Variants in XPO1 observed in about 807,000 individuals in gnomAD.
XPO1 encodes the protein exportin-1.
XPO1 carries 5 observed loss-of-function variants against 133.3 expected under a neutral mutation model. The ratio of observed to expected loss-of-function variants is 0.04; its 90% CI spans 0.02 to 0.08. The LOEUF is 0.08. Among genes scored for constraint, XPO1 ranks in the 10% least tolerant of loss-of-function variants. The pLI is 1.00. For missense variants in XPO1, 506 were observed against 1,267.5 expected, an observed-to-expected ratio of 0.40 and a Z score of 9.12; for synonymous variants, 419 against 408.2, an observed-to-expected ratio of 1.03 and a Z score of -0.32.
intron 2 of XPO1, among the ~76,000 whole-genome samples, chr2:61,527,697 C>A (rs1206453230): frequency 6.6e-6 from 1 of 152,084 alleles, no homozygotes; most frequent in Non-Finnish European, 1.5e-5. Flanking sequence ...TTATTGTAAC[C>A]ATCCTTTCTC....
chr2:61,479,159 G>C (rs746574989), intron 24 of XPO1, among the ~76,000 whole-genome samples, 193 bp from the exon 25 acceptor site: 2 of 152,148 alleles, frequency 1.3e-5, no homozygotes, highest in Admixed American at 6.6e-5. Flanking sequence ...TAACTGGTGG[G>C]GGGGAAGATT....
chr2:61,522,721 T>C (rs1433621677), intron 3 of XPO1, 38 bp from the exon 4 acceptor site: 14 of 1,465,196 alleles, frequency 9.6e-6, no homozygotes, highest in Non-Finnish European at 1.2e-5. Context: ...AATATATTGC[T>C]TATAGGACTG....
chr2:61,488,397 T>C (rs1443519970), intron 18 of XPO1, 126 bp from the exon 19 acceptor site: 3 of 1,210,998 alleles, frequency 2.5e-6, no homozygotes, highest in African/African-American at 3.1e-5. Context: ...ACAAAATTTA[T>C]TGGGAAAATA....
chr2:61,494,068 T>C lies in XPO1; in HGVS notation c.1071A>G (p.Val357=), dbSNP rs751328556. The change falls in exon 12 of 25, where the codon GTA becomes GTG. Residue 357 remains valine, a synonymous_variant. Transcript: ENST00000401558. ...AGATTTCAGTTTCTTCTACTTCAGA[T>C]ACCAACAACATATAATGAAGGGCCT... ...LMEALHYMLL[V]SEVEETEIFK... 2 of 1,613,882 alleles carry C rather than the reference T, an allele frequency of 1.2e-6. No individual in the cohort carries two copies. Among genetic ancestry groups the C allele is most frequent in the South Asian group, 2.2e-5 (2 of 91,058 alleles).
chr2:61,526,498 C>G lies in XPO1; in HGVS notation c.150G>C (p.Leu50=). The G allele has an allele frequency of 6.3e-7, 1 of 1,595,114 alleles. No homozygotes were observed. The highest frequency in any genetic ancestry group is 8.5e-7 in the Non-Finnish European group (1 of 1,174,820). ...GAQQRMAQEV[L]THLKEHPDAW... ...CATCAGGATGCTCCTTTAAATGTGT[C>G]AGTACTTCTTGAGCCATTCTTTGCT... The change falls in exon 3 of 25, where the codon CTG becomes CTC. Residue 50 remains leucine, a synonymous_variant. Transcript: ENST00000401558.
intron 2 of XPO1, among the ~76,000 whole-genome samples, chr2:61,527,543 C>G (rs1256327074): frequency 2.6e-5 from 4 of 152,160 alleles, no homozygotes; most frequent in Non-Finnish European, 5.9e-5. Flanking sequence ...TGTAGCAGGA[C>G]ACTCTGCTTT....
At chr2:61,526,336 C>A in intron 3 of XPO1, 84 bp downstream of exon 3, 4 of 1,497,762 alleles carry the variant, frequency 2.7e-6, no homozygotes, top group Non-Finnish European at 3.5e-6. Flanking sequence ...ATAACAAATG[C>A]TAATACTAAA....
At chr2:61,526,748 C>G (rs1698920396) in intron 2 of XPO1, among the ~76,000 whole-genome samples, 1 of 150,748 alleles carries the variant, frequency 6.6e-6, no homozygotes, top group Non-Finnish European at 1.5e-5. Context: ...GGCTCTATCA[C>G]CCAGGCTGGA....
chr2:61,510,797 G>T (rs1260778587), intron 4 of XPO1, among the ~76,000 whole-genome samples: 1 of 151,988 alleles, frequency 6.6e-6, no homozygotes, highest in African/African-American at 2.4e-5. Context: ...AGTGAGCCAG[G>T]TATGATTCAT....
intron 2 of XPO1, 100 bp from the exon 3 acceptor site, chr2:61,526,621 CAGAG>C: frequency 1.2e-6 from 1 of 809,582 alleles, no homozygotes; most frequent in Non-Finnish European, 1.8e-6. Flanking sequence ...TCTAATTGGA[CAGAG>C]ATTCTATTAT....
intron 24 of XPO1, 117 bp from the exon 25 acceptor site, chr2:61,479,083 G>A: frequency 8.0e-7 from 1 of 1,251,386 alleles, no homozygotes; most frequent in Non-Finnish European, 1.1e-6. Flanking sequence ...TCCATAAAGT[G>A]GCTGGGTTTT....
chr2:61,510,879 G>A (rs978475783), intron 4 of XPO1, among the ~76,000 whole-genome samples: 6 of 147,468 alleles, frequency 4.1e-5, no homozygotes, highest in Admixed American at 6.9e-5. Flanking sequence ...TGAGGCTAGA[G>A]TTAAGCCATG....
chr2:61,478,535 GCCT>G lies in XPO1; in HGVS notation c.*282_*284del, dbSNP rs375130431. ...ACAAGTATATGTTCAAATCGAATTT[GCCT>G]CCTCCCCCCAGCCCAGCCACAAAAA... On this transcript the variant is annotated 3_prime_UTR_variant, in exon 25 of 25. Transcript: ENST00000401558. 14 of 346,340 alleles carry G rather than the reference GCCT, an allele frequency of 4.0e-5. No homozygotes were observed. The highest frequency in any genetic ancestry group is 3.6e-4 in the East Asian group (8 of 21,980). The allele number at this position is 346,340 out of a possible 1,614,324, so 21.5% of individuals were successfully genotyped here.
chr2:61,530,731 A>T lies in XPO1; in HGVS notation c.126+3041T>A, dbSNP rs560404596. Among the ~76,000 whole-genome samples, 3 of 151,736 alleles carry T rather than the reference A, an allele frequency of 2.0e-5. No homozygotes were observed. The East Asian group carries it at 5.8e-4, about 29-fold the overall frequency. The stretch of plus-strand genomic sequence containing the variant: ...TCCCCCAAGTTACACATTCCTTTAA[A>T]AAAAAAAAAACCTACCTACAGCTTT... On this transcript the variant is annotated intron_variant, in intron 2 of 24. Transcript: ENST00000401558.
intron 23 of XPO1, among the ~76,000 whole-genome samples, chr2:61,481,593 T>C (rs773583638): frequency 1.1e-3 from 166 of 150,224 alleles, no homozygotes; most frequent in Non-Finnish European, 1.3e-3. Context: ...ATTACAGGCA[T>C]GCACCACCAT....
chr2:61,481,443 TTTTTTTTTTAATCAAGAA>T (rs1328843407), intron 23 of XPO1, among the ~76,000 whole-genome samples, 162 bp from the exon 24 acceptor site: 2 of 151,768 alleles, frequency 1.3e-5, no homozygotes, highest in Middle Eastern at 3.2e-3. Context: ...CAATAATGTT[TTTTTTTTTTAATCAAGAA>T]TTTTTTTTTA....
intron 2 of XPO1, among the ~76,000 whole-genome samples, chr2:61,529,544 TACTC>T (rs937002267): frequency 6.6e-6 from 1 of 151,884 alleles, no homozygotes; most frequent in Admixed American, 6.6e-5. Flanking sequence ...TAATCCCAGT[TACTC>T]AGGAGGCTGA....
intron 23 of XPO1, 28 bp from the exon 24 acceptor site, chr2:61,481,309 AAT>A (rs1696338022): frequency 6.4e-7 from 1 of 1,562,454 alleles, no homozygotes; most frequent in Non-Finnish European, 8.8e-7. Context: ...ATGATTAAAT[AAT>A]GATTTATTTT....
chr2:61,482,761 ATGCCCAGTAT>A, intron 22 of XPO1, 186 bp downstream of exon 22: 1 of 753,946 alleles, frequency 1.3e-6, no homozygotes, highest in Non-Finnish European at 2.1e-6. Flanking sequence ...ACATGCCACC[ATGCCCAGTAT>A]TTTTATTGTA....
Sources: gnomAD v4.1 joint callset for allele counts (sites outside exome capture counted in the v4.1 genomes callset) on GRCh38, gnomAD v4.1.1 for gene constraint, MANE v1.5 for transcripts, NCBI Gene and HGNC (gene_info 2026-07-23, HGNC 2026-07-21) for gene names.